Variants in PLEKHG1 observed in about 807,000 individuals in gnomAD.
PLEKHG1 encodes pleckstrin homology and RhoGEF domain containing G1, also known as pleckstrin homology domain-containing family G member 1.
Under a neutral mutation model 100.8 loss-of-function variants are expected in PLEKHG1, and 44 were observed. The ratio of observed to expected loss-of-function variants is 0.44; its 90% confidence interval spans 0.34 to 0.56. The LOEUF (loss-of-function observed/expected upper bound fraction) is 0.56, where lower values mean the gene tolerates loss of function less well. Ranked by LOEUF, PLEKHG1 falls within the 20% of genes least tolerant of loss-of-function variation. The probability of loss-of-function intolerance (pLI) is 0.01; values close to 1 mark genes in which losing one functional copy is unlikely to be tolerated. For missense variants in PLEKHG1, 1,545 were observed against 1,720.9 expected (o/e 0.90, Z 1.81); for synonymous variants, 640 against 662.5 (o/e 0.97, Z 0.52).
intron 1 of PLEKHG1, among the ~76,000 whole-genome samples, chr6:150,618,627 G>A (rs577276750): frequency 6.6e-6 from 1 of 152,166 alleles, no homozygotes; most frequent in African/African-American, 2.4e-5. Context: ...TAATTAAGAA[G>A]TGATGAGTTT....
intron 1 of PLEKHG1, among the ~76,000 whole-genome samples, chr6:150,602,934 A>T (rs1326815877): frequency 6.6e-6 from 1 of 152,034 alleles, no homozygotes; most frequent in Non-Finnish European, 1.5e-5. Flanking sequence ...ACAAAAAATT[A>T]GCCGGGCGAG....
At chr6:150,794,379 T>C (rs868349593) in intron 4 of PLEKHG1, among the ~76,000 whole-genome samples, 1 of 152,118 alleles carries the variant, frequency 6.6e-6, no homozygotes, top group African/African-American at 2.4e-5. Flanking sequence ...AATGTCCTTA[T>C]TTTAGTCTGG....
intron 6 of PLEKHG1, among the ~76,000 whole-genome samples, chr6:150,802,764 G>A (rs1422219802): frequency 6.6e-6 from 1 of 151,232 alleles, no homozygotes; most frequent in Non-Finnish European, 1.5e-5. Context: ...GGGTTCAAGC[G>A]ATTCTCCTGC....
chr6:150,792,002 A>G (rs1786009439), intron 4 of PLEKHG1, among the ~76,000 whole-genome samples: 1 of 152,246 alleles, frequency 6.6e-6, no homozygotes, highest in Non-Finnish European at 1.5e-5. Context: ...TATTTATGTT[A>G]GCATCATTGA....
At position 150,807,319 on chromosome 6, in the gene PLEKHG1, G is replaced by A. The variant is rs187178702; in HGVS notation, c.913-1786G>A. On this transcript the variant is annotated intron_variant, in intron 7 of 15. Transcript: ENST00000358517. ...TCCCCTGCAGATAAGAGGGACTGCT[G>A]TATTCAGAAATGTCTGAATGGCTGG... is the stretch of plus-strand genomic sequence containing the variant. 5.3e-5 allele frequency among the ~76,000 whole-genome samples: 8 copies of A among 152,302 alleles called. No individual in the cohort carries two copies. In the East Asian group the frequency reaches 1.5e-3, roughly 29 times the overall value.
intron 1 of PLEKHG1, among the ~76,000 whole-genome samples, chr6:150,624,261 C>T (rs1777420621): frequency 6.6e-6 from 1 of 152,158 alleles, no homozygotes; most frequent in South Asian, 2.1e-4. Context: ...CTTGGGGGTG[C>T]TGCTGCCTTC....
chr6:150,695,578 T>C (rs1033504773), intron 3 of PLEKHG1, among the ~76,000 whole-genome samples: 4 of 152,238 alleles, frequency 2.6e-5, no homozygotes, highest in Non-Finnish European at 5.9e-5. Flanking sequence ...CTTGGACTTG[T>C]GTAGCTTGCC....
intron 14 of PLEKHG1, chr6:150,828,176 A>G (rs1776720288): frequency 1.9e-6 from 3 of 1,613,772 alleles, no homozygotes; most frequent in Non-Finnish European, 2.5e-6. Context: ...TTTACCTGGA[A>G]GGAGATATCA....
At chr6:150,709,313 C>T (rs897038207) in intron 3 of PLEKHG1, among the ~76,000 whole-genome samples, 4 of 152,070 alleles carry the variant, frequency 2.6e-5, no homozygotes, top group East Asian at 3.9e-4. Context: ...CCAGCCTGGG[C>T]GACAGAGCGA....
chr6:150,768,148 TA>T (rs1173801060), intron 2 of PLEKHG1, among the ~76,000 whole-genome samples: 1 of 152,148 alleles, frequency 6.6e-6, no homozygotes, highest in Non-Finnish European at 1.5e-5. Flanking sequence ...TTTTTTCACT[TA>T]AAAAAATAAG....
rs538759993 is a variant in PLEKHG1 at position 150,754,510 on chromosome 6, T to A, written c.412-14128T>A. 5.9e-5 allele frequency among the ~76,000 whole-genome samples: 9 copies of A among 151,890 alleles called. No homozygotes were observed. The South Asian group carries it at 1.5e-3, about 25-fold the overall frequency. ...TAGGATGTCCTTGCAGTAGTCCAGG[T>A]GAGAGATGAGAACAAGGTCAAGGCA... is the stretch of plus-strand genomic sequence containing the variant. On this transcript the variant is annotated intron_variant, in intron 2 of 15. Coordinates refer to ENST00000358517, the Ensembl canonical transcript of PLEKHG1.
At chr6:150,810,873 A>G (rs1787484116) in intron 10 of PLEKHG1, among the ~76,000 whole-genome samples, 1 of 151,960 alleles carries the variant, frequency 6.6e-6, no homozygotes, top group South Asian at 2.1e-4. Flanking sequence ...GTAAGCCGAG[A>G]TCGTGCCATT....
chr6:150,751,874 A>G (rs1002796519), intron 2 of PLEKHG1, among the ~76,000 whole-genome samples: 1 of 152,198 alleles, frequency 6.6e-6, no homozygotes, highest in African/African-American at 2.4e-5. Context: ...AATTTGTATA[A>G]TGTTTGCTGT....
intron 3 of PLEKHG1, among the ~76,000 whole-genome samples, chr6:150,785,862 T>C (rs1399263863): frequency 6.6e-6 from 1 of 152,104 alleles, no homozygotes; most frequent in Non-Finnish European, 1.5e-5. Flanking sequence ...TTGTGAACTG[T>C]GCATGCGTGG....
intron 3 of PLEKHG1, among the ~76,000 whole-genome samples, chr6:150,715,395 G>A (rs1342813323): frequency 6.6e-6 from 1 of 152,148 alleles, no homozygotes; most frequent in East Asian, 1.9e-4. Context: ...ACAGGAGGAA[G>A]GTCAGCGTGT....
chr6:150,605,985 A>G (rs1289512794), intron 1 of PLEKHG1: 1 of 152,218 alleles, frequency 6.6e-6, no homozygotes, highest in Non-Finnish European at 1.5e-5. Context: ...CTGCTACCAC[A>G]CTGTGATTGA....
intron 3 of PLEKHG1, among the ~76,000 whole-genome samples, chr6:150,667,332 G>A (rs1371360632): frequency 6.6e-6 from 1 of 152,222 alleles, no homozygotes; most frequent in East Asian, 1.9e-4. Flanking sequence ...ATGATTTTGT[G>A]AATACTTAGC....
chr6:150,736,071 G>A (rs1245180194), intron 2 of PLEKHG1, among the ~76,000 whole-genome samples: 1 of 152,204 alleles, frequency 6.6e-6, no homozygotes, highest in African/African-American at 2.4e-5. Flanking sequence ...ATAGTAAATA[G>A]TTTTGGCCTT....
At chr6:150,710,314 C>T (rs1781198022) in intron 3 of PLEKHG1, among the ~76,000 whole-genome samples, 1 of 152,222 alleles carries the variant, frequency 6.6e-6, no homozygotes, top group Non-Finnish European at 1.5e-5. Context: ...CCACTGCCCC[C>T]AGCCGTCAGT....
Sources: allele counts gnomAD v4.1 joint callset (sites outside exome capture counted in the v4.1 genomes callset), GRCh38; gene constraint gnomAD v4.1.1; transcripts MANE v1.5; gene names NCBI Gene and HGNC (gene_info 2026-07-23, HGNC 2026-07-21).